Variants in MSRA observed in about 807,000 individuals in gnomAD.
MSRA encodes the protein mitochondrial peptide methionine sulfoxide reductase.
Under a neutral mutation model 31.3 loss-of-function variants are expected in MSRA, and 54 were observed. The ratio of observed to expected loss-of-function variants is 1.73; its 90% CI spans 1.39 to 2.17. MSRA has a LOEUF of 2.17. Ranked by LOEUF, MSRA falls within the 30% of genes most tolerant of loss-of-function variation. MSRA has a pLI of 0.00. For missense variants in MSRA, 507 were observed against 300.9 expected, an observed-to-expected ratio of 1.69 and a Z score of -5.07; for synonymous variants, 169 against 116.5, an observed-to-expected ratio of 1.45 and a Z score of -2.90.
At chr8:10,225,085 C>T (rs1023546400) in intron 2 of MSRA, among the ~76,000 whole-genome samples, 7 of 152,168 alleles carry the variant, frequency 4.6e-5, no homozygotes, top group African/African-American at 1.2e-4. Context: ...TGCAATGAGC[C>T]GAGATCGCAT....
chr8:10,408,141 G>A (rs1407138897), intron 5 of MSRA, among the ~76,000 whole-genome samples: 2 of 152,188 alleles, frequency 1.3e-5, no homozygotes, highest in African/African-American at 2.4e-5. Flanking sequence ...ACAGAGGCCA[G>A]GGAGAAAGGG....
At chr8:10,308,642 A>G (rs17151684) in intron 4 of MSRA, among the ~76,000 whole-genome samples, 26,999 of 152,164 alleles carry the variant, frequency 0.18, 2,738 homozygotes, top group African/African-American at 0.27. Context: ...TTGCCTTTCC[A>G]ACTTTGGCTC....
chr8:10,273,371 A>G (rs1799145300), intron 3 of MSRA, among the ~76,000 whole-genome samples: 1 of 152,162 alleles, frequency 6.6e-6, no homozygotes, highest in Admixed American at 6.5e-5. Flanking sequence ...CTTAGACATT[A>G]GTTACTTCTA....
chr8:10,188,246 T>C (rs1429216012), intron 1 of MSRA, among the ~76,000 whole-genome samples: 4 of 152,230 alleles, frequency 2.6e-5, no homozygotes, highest in Admixed American at 1.3e-4. Context: ...TCACCAGTTA[T>C]TGTGTGCACT....
intron 2 of MSRA, among the ~76,000 whole-genome samples, chr8:10,214,312 C>A (rs1809787242): frequency 6.6e-6 from 1 of 152,060 alleles, no homozygotes; most frequent in South Asian, 2.1e-4. Context: ...CACCTTCGGC[C>A]CCTCCAAGGA....
intron 2 of MSRA, among the ~76,000 whole-genome samples, chr8:10,244,330 T>C (rs1354425152): frequency 6.6e-6 from 1 of 152,208 alleles, no homozygotes; most frequent in Non-Finnish European, 1.5e-5. Flanking sequence ...TGGCAACATT[T>C]GCGACGTGCG....
At chr8:10,330,060 G>A (rs976218727) in intron 5 of MSRA, among the ~76,000 whole-genome samples, 1 of 138,090 alleles carries the variant, frequency 7.2e-6, no homozygotes, top group South Asian at 2.5e-4. Context: ...AAAGCATTTG[G>A]ATGTTTGGCA....
At chr8:10,107,166 C>A (rs1799941843) in intron 1 of MSRA, among the ~76,000 whole-genome samples, 1 of 152,094 alleles carries the variant, frequency 6.6e-6, no homozygotes, top group African/African-American at 2.4e-5. Context: ...AAGGATCCTG[C>A]TTTTCCTCAC....
intron 5 of MSRA, among the ~76,000 whole-genome samples, chr8:10,329,130 C>A (rs1437815641): frequency 6.6e-6 from 1 of 152,238 alleles, no homozygotes; most frequent in Non-Finnish European, 1.5e-5. Context: ...TGCCAAATCT[C>A]TGACTTTTTT....
At chr8:10,262,284 C>T (rs1318660077) in intron 3 of MSRA, among the ~76,000 whole-genome samples, 2 of 152,212 alleles carry the variant, frequency 1.3e-5, no homozygotes, top group Non-Finnish European at 2.9e-5. Context: ...CTATGTTTAG[C>T]TTTGCCATAA....
At chr8:10,121,883 G>A (rs1257466713) in intron 1 of MSRA, among the ~76,000 whole-genome samples, 1 of 147,554 alleles carries the variant, frequency 6.8e-6, no homozygotes, top group Non-Finnish European at 1.5e-5. Context: ...GTTTTGTTAT[G>A]TTGCCCAGGC....
Position 10,359,772 on chromosome 8 carries a change from C to T in MSRA, c.543+39783C>T, listed in dbSNP as rs141357204. Among the ~76,000 whole-genome samples the T allele has an allele frequency of 1.7e-3, 259 of 152,222 alleles. 3 individuals are homozygous for T. The highest frequency in any genetic ancestry group is 0.01 in the Middle Eastern group (3 of 294). On this transcript the variant is annotated intron_variant, in intron 5 of 5. Coordinates refer to ENST00000317173, the MANE Select transcript of MSRA (RefSeq NM_012331.5). The stretch of plus-strand genomic sequence containing the variant: ...ATGGAGGATGGTCTCAGATGGAGGA[C>T]GGTCTCAGACAGAGGCCCTTTTGCA...
chr8:10,375,095 A>C (rs184203941), intron 5 of MSRA, among the ~76,000 whole-genome samples: 62 of 152,190 alleles, frequency 4.1e-4, no homozygotes, highest in Admixed American at 6.5e-4. Context: ...CAAAAAACCT[A>C]TTTTCTTTAT....
At chr8:10,240,840 C>G (rs1167179696) in intron 2 of MSRA, among the ~76,000 whole-genome samples, 2 of 151,806 alleles carry the variant, frequency 1.3e-5, no homozygotes, top group African/African-American at 2.4e-5. Context: ...ACCCCCCGCA[C>G]CCCCATCCCC....
chr8:10,416,900 G>T (rs1459880191), intron 5 of MSRA, among the ~76,000 whole-genome samples: 1 of 152,226 alleles, frequency 6.6e-6, no homozygotes, highest in Non-Finnish European at 1.5e-5. Context: ...TCAGCTTGTA[G>T]CTCTGTCGTT....
intron 5 of MSRA, among the ~76,000 whole-genome samples, chr8:10,341,338 G>A (rs1803414225): frequency 6.6e-6 from 1 of 152,134 alleles, no homozygotes; most frequent in African/African-American, 2.4e-5. Context: ...GAAAGCAGGA[G>A]CAAGGGAGAG....
At chr8:10,361,757 C>T (rs1258591861) in intron 5 of MSRA, among the ~76,000 whole-genome samples, 1 of 152,150 alleles carries the variant, frequency 6.6e-6, no homozygotes, top group Non-Finnish European at 1.5e-5. Flanking sequence ...CTTAAAGTAA[C>T]TCTTAAGAAA....
chr8:10,334,454 G>T (rs1802901219), intron 5 of MSRA, among the ~76,000 whole-genome samples: 1 of 152,044 alleles, frequency 6.6e-6, no homozygotes, highest in Non-Finnish European at 1.5e-5. Context: ...GAGGTGCAGG[G>T]ACGCTTTTAT....
chr8:10,344,342 G>A (rs959530310), intron 5 of MSRA, among the ~76,000 whole-genome samples: 9 of 151,992 alleles, frequency 5.9e-5, no homozygotes, highest in East Asian at 1.9e-4. Context: ...CATTTCCACC[G>A]AGGCAGGTGG....
Sources: allele counts gnomAD v4.1 joint callset (sites outside exome capture counted in the v4.1 genomes callset), GRCh38; gene constraint gnomAD v4.1.1; transcripts MANE v1.5; gene names NCBI Gene and HGNC (gene_info 2026-07-23, HGNC 2026-07-21).